Variants in TUT4 observed in about 807,000 individuals in gnomAD.
TUT4 encodes terminal uridylyl transferase 4.
In TUT4, 36 loss-of-function variants were observed where a neutral mutation model predicts 192.2. The ratio of observed to expected loss-of-function variants is 0.19; its 90% CI spans 0.14 to 0.25. The LOEUF (loss-of-function observed/expected upper bound fraction) is 0.25, where lower values mean the gene tolerates loss of function less well. Ranked by LOEUF, TUT4 falls within the 10% of genes least tolerant of loss-of-function variation. The pLI, the probability that TUT4 is intolerant of heterozygous loss-of-function variation, is 1.00. For synonymous variants in TUT4, 618 were observed against 666.0 expected (o/e 0.93, Z 1.11); for missense variants, 1,493 against 1,957.2 (o/e 0.76, Z 4.47).
intron 19 of TUT4, among the ~76,000 whole-genome samples, chr1:52,459,518 G>A (rs879511568): frequency 7.9e-5 from 12 of 152,148 alleles, no homozygotes; most frequent in African/African-American, 1.7e-4. Flanking sequence ...GAGCCCAGGA[G>A]GTCAAGGCTG....
intron 12 of TUT4, among the ~76,000 whole-genome samples, chr1:52,476,528 T>C (rs1164301281): frequency 6.6e-6 from 1 of 152,176 alleles, no homozygotes; most frequent in Non-Finnish European, 1.5e-5. Flanking sequence ...CTTTTGGTAT[T>C]AACAGGCCAG....
rs1676541699 is a variant in TUT4, at chr1:52,509,585, A to G, written c.999+11T>C. ...AAAAATAAATAAAAGTATTTTTTAA[A>G]AAGAACTTACCAAAATATTTTTCTT... On this transcript the variant is annotated intron_variant, in intron 4 of 29. Coordinates refer to ENST00000257177, the MANE Select transcript of TUT4 (RefSeq NM_001009881.3). 1.5e-6 allele frequency: 2 copies of G among 1,363,940 alleles called. No individual in the cohort carries two copies. The highest frequency in any genetic ancestry group is 3.0e-5 in the African/African-American group (2 of 67,506). The allele number at this position is 1,363,940 out of a possible 1,614,324, so 84.5% of individuals were successfully genotyped here.
chr1:52,459,612 G>GT (rs1299759500), intron 19 of TUT4, among the ~76,000 whole-genome samples: 6 of 152,032 alleles, frequency 3.9e-5, no homozygotes, highest in African/African-American at 1.4e-4. Context: ...AAGGCTGGGG[G>GT]TGGTGGCTCA....
intron 2 of TUT4, among the ~76,000 whole-genome samples, chr1:52,519,941 C>T (rs967766145): frequency 6.6e-6 from 1 of 152,022 alleles, no homozygotes; most frequent in Non-Finnish European, 1.5e-5. Context: ...ATTGCTTGAA[C>T]CCGGGAGGCG....
chr1:52,457,184 G>C (rs1661209242), intron 20 of TUT4, among the ~76,000 whole-genome samples: 1 of 151,794 alleles, frequency 6.6e-6, no homozygotes, highest in Admixed American at 6.6e-5. Flanking sequence ...ACTTACTAAG[G>C]CTATCTGACA....
chr1:52,455,699 GGACA>G (rs1557703921), intron 20 of TUT4, among the ~76,000 whole-genome samples: 2 of 150,512 alleles, frequency 1.3e-5, no homozygotes, highest in South Asian at 2.1e-4. Context: ...GAGGATGGAT[GGACA>G]GACAGACAGA....
At chr1:52,538,280 C>T (rs1250768305) in intron 1 of TUT4, among the ~76,000 whole-genome samples, 2 of 151,938 alleles carry the variant, frequency 1.3e-5, no homozygotes, top group African/African-American at 4.8e-5. Flanking sequence ...TATATAAAGA[C>T]TCTATCCAAC....
intron 1 of TUT4, among the ~76,000 whole-genome samples, chr1:52,527,916 C>G (rs1256277662): frequency 6.6e-6 from 1 of 151,924 alleles, no homozygotes; most frequent in Admixed American, 6.6e-5. Context: ...TGGTGCCTCA[C>G]GCCTGTAATC....
chr1:52,505,632 G>C (rs1675328904), intron 4 of TUT4, among the ~76,000 whole-genome samples: 1 of 151,908 alleles, frequency 6.6e-6, no homozygotes. Flanking sequence ...ACATTGGCCA[G>C]GCTGGTCTCG....
intron 28 of TUT4, among the ~76,000 whole-genome samples, chr1:52,428,624 T>TAAA (rs772389695): frequency 5.5e-5 from 4 of 72,898 alleles, no homozygotes; most frequent in Non-Finnish European, 1.1e-4. Flanking sequence ...AGACTCCCTC[T>TAAA]AAAAAAAAAA....
intron 7 of TUT4, among the ~76,000 whole-genome samples, chr1:52,491,541 A>C (rs1671144063): frequency 6.6e-6 from 1 of 151,984 alleles, no homozygotes; most frequent in Non-Finnish European, 1.5e-5. Context: ...TACAAAAATT[A>C]TCCGGGCATG....
chr1:52,424,218 G>T, intron 29 of TUT4: 1 of 529,752 alleles, frequency 1.9e-6, no homozygotes, highest in South Asian at 2.4e-5. Context: ...AGATGGAGAG[G>T]AGGAATCAAA....
intron 11 of TUT4, among the ~76,000 whole-genome samples, chr1:52,479,037 A>G (rs1355257345): frequency 6.6e-6 from 1 of 152,184 alleles, no homozygotes; most frequent in Non-Finnish European, 1.5e-5. Context: ...GGGAGTGTGG[A>G]AGCAGGAGAA....
rs149424848 is a variant in TUT4, at chr1:52,428,139, GAT to G, written c.4712-2634_4712-2633del. Among the ~76,000 whole-genome samples the G allele has an allele frequency of 3.6e-3, 541 of 152,260 alleles. 8 individuals carry two copies. Among genetic ancestry groups the G allele is most frequent in the South Asian group, 0.034 (163 of 4,830 alleles). On this transcript the variant is annotated intron_variant, in intron 28 of 29. Transcript: ENST00000257177. The stretch of plus-strand genomic sequence containing the variant: ...AGTTAAGAGAGATAAAAATCAAAGA[GAT>G]ATAAAAACCAAACACACAGTTTTAA...
chr1:52,464,063 A>G (rs1244142325), intron 16 of TUT4, among the ~76,000 whole-genome samples: 1 of 152,140 alleles, frequency 6.6e-6, no homozygotes, highest in Non-Finnish European at 1.5e-5. Flanking sequence ...GAACTTGGAC[A>G]AGTCAGTTTA....
intron 7 of TUT4, among the ~76,000 whole-genome samples, chr1:52,493,248 T>A (rs1280098771): frequency 1.3e-5 from 2 of 152,136 alleles, no homozygotes; most frequent in Non-Finnish European, 2.9e-5. Context: ...CACGCCTGGC[T>A]AATTTTGTGT....
chr1:52,536,966 C>T (rs1198041062), intron 1 of TUT4, among the ~76,000 whole-genome samples: 1 of 152,152 alleles, frequency 6.6e-6, no homozygotes, highest in Non-Finnish European at 1.5e-5. Context: ...GAGATCGAGA[C>T]CACCCTGGCT....
At chr1:52,508,327 CAAA>C (rs34321361) in intron 4 of TUT4, among the ~76,000 whole-genome samples, 7 of 78,620 alleles carry the variant, frequency 8.9e-5, no homozygotes, top group Admixed American at 1.5e-4. Context: ...ACTCTGTCTC[CAAA>C]AAAAAAAAAA....
intron 24 of TUT4, among the ~76,000 whole-genome samples, chr1:52,443,799 G>C (rs1354822102): frequency 2.0e-5 from 3 of 152,032 alleles, no homozygotes; most frequent in Non-Finnish European, 4.4e-5. Flanking sequence ...CTGACAGCAT[G>C]CAACACTGTG....
Sources: allele counts gnomAD v4.1 joint callset (sites outside exome capture counted in the v4.1 genomes callset), GRCh38; gene constraint gnomAD v4.1.1; transcripts MANE v1.5; gene names NCBI Gene and HGNC (gene_info 2026-07-23, HGNC 2026-07-21).